Variants in SEMA6A observed in about 807,000 individuals in gnomAD.
The protein encoded by SEMA6A is semaphorin-6A.
In SEMA6A, 25 loss-of-function variants were observed where a neutral mutation model predicts 96.8. That is an observed-to-expected ratio of 0.26 (90% CI 0.19 to 0.36). The LOEUF (loss-of-function observed/expected upper bound fraction) is 0.36, where lower values mean the gene tolerates loss of function less well. Ranked by LOEUF, SEMA6A falls within the 10% of genes least tolerant of loss-of-function variation. SEMA6A has a pLI of 1.00. For synonymous variants in SEMA6A, 612 were observed against 518.0 expected (o/e 1.18, Z -2.46); for missense variants, 1,363 against 1,323.1 (o/e 1.03, Z -0.47).
chr5:116,564,001 T>G (rs1760924422), intron 1 of SEMA6A, among the ~76,000 whole-genome samples: 1 of 151,848 alleles, frequency 6.6e-6, no homozygotes, highest in Non-Finnish European at 1.5e-5. Context: ...ACTTAAAGTG[T>G]TTCTCCACAA....
rs942477890 is a variant in SEMA6A, at chr5:116,445,052, A to C, written c.*1561T>G. 6.5e-6 allele frequency: 1 copy of C among 152,720 alleles called. No homozygotes were observed. The highest frequency in any genetic ancestry group is 1.5e-5 in the Non-Finnish European group (1 of 68,074). The allele number at this position is 152,720 out of a possible 1,614,324, so 9.5% of individuals were successfully genotyped here. ...GGGGTCCATGCTTCGCAGCACAGCC[A>C]AAGGGTGGTTCCAGTTGGCACAACT... On this transcript the variant is annotated 3_prime_UTR_variant, in exon 19 of 19. Coordinates refer to ENST00000343348, the MANE Select transcript of SEMA6A (RefSeq NM_020796.5).
At chr5:116,460,222 G>C (rs1035889025) in intron 18 of SEMA6A, among the ~76,000 whole-genome samples, 1 of 152,088 alleles carries the variant, frequency 6.6e-6, no homozygotes, top group Admixed American at 6.6e-5. Context: ...TGATTTCTGA[G>C]CCTTCCTTAC....
chr5:116,493,821 C>T (rs1396730154), intron 6 of SEMA6A, among the ~76,000 whole-genome samples: 3 of 152,196 alleles, frequency 2.0e-5, no homozygotes, highest in African/African-American at 4.8e-5. Flanking sequence ...CTCTCCACAT[C>T]TGTCTCTAAA....
At chr5:116,515,529 AAG>A (rs1233897287) in intron 1 of SEMA6A, among the ~76,000 whole-genome samples, 5 of 152,208 alleles carry the variant, frequency 3.3e-5, no homozygotes, top group African/African-American at 1.2e-4. Flanking sequence ...AGCCAGTAAA[AAG>A]ATATCTGGAG....
chr5:116,570,223 G>A (rs1009135322), intron 1 of SEMA6A, among the ~76,000 whole-genome samples: 8 of 152,136 alleles, frequency 5.3e-5, no homozygotes, highest in African/African-American at 1.9e-4. Flanking sequence ...GCAACCATGT[G>A]GTCGCCAGCA....
chr5:116,521,791 A>G (rs1758961726), intron 1 of SEMA6A, among the ~76,000 whole-genome samples: 1 of 151,634 alleles, frequency 6.6e-6, no homozygotes, highest in African/African-American at 2.4e-5. Context: ...GGAGAGAAAG[A>G]GATCATTTTT....
chr5:116,452,436 T>C (rs75604559), intron 18 of SEMA6A, among the ~76,000 whole-genome samples: 3 of 150,544 alleles, frequency 2.0e-5, no homozygotes, highest in South Asian at 4.2e-4. Flanking sequence ...TTTTTTTTTT[T>C]CCTGAGGTGA....
At chr5:116,506,921 T>C (rs762902675) in intron 1 of SEMA6A, among the ~76,000 whole-genome samples, 3 of 152,222 alleles carry the variant, frequency 2.0e-5, no homozygotes, top group Non-Finnish European at 4.4e-5. Context: ...TTCATCTTTG[T>C]ACAAATGTCC....
chr5:116,480,459 C>CT (rs1285636873), intron 11 of SEMA6A, among the ~76,000 whole-genome samples, 182 bp from the exon 12 acceptor site: 1 of 152,214 alleles, frequency 6.6e-6, no homozygotes, highest in Non-Finnish European at 1.5e-5. Flanking sequence ...TCTGAGCCGC[C>CT]TCCTCATTTC....
chr5:116,523,265 C>T (rs748920315), intron 1 of SEMA6A, among the ~76,000 whole-genome samples: 13 of 152,242 alleles, frequency 8.5e-5, no homozygotes, highest in Middle Eastern at 3.4e-3. Context: ...GGGTGGGTCA[C>T]ATTATGCTTT....
intron 7 of SEMA6A, among the ~76,000 whole-genome samples, chr5:116,490,458 T>C (rs1286891232): frequency 6.6e-6 from 1 of 152,182 alleles, no homozygotes; most frequent in Non-Finnish European, 1.5e-5. Context: ...CCCCAACTAA[T>C]GCAGGTTCCA....
At chr5:116,521,211 G>T (rs1295227646) in intron 1 of SEMA6A, among the ~76,000 whole-genome samples, 2 of 152,208 alleles carry the variant, frequency 1.3e-5, no homozygotes, top group African/African-American at 4.8e-5. Flanking sequence ...GGTGTGGATT[G>T]TGGAATACAA....
rs2112677838 is a variant in SEMA6A at position 116,475,569 on chromosome 5, T to C, written c.1684A>G (p.Thr562Ala). The C allele has an allele frequency of 6.2e-7, 1 of 1,604,326 alleles. No homozygotes were observed. Among genetic ancestry groups the C allele is most frequent in the Admixed American group, 1.7e-5 (1 of 58,874 alleles). ...TFEQDIERGN[T>A]DGLGDCHNSF... is the part of the protein sequence containing the mutation. ...CTGTGACAGTCCCCCAGACCATCTG[T>C]ATTGCCACGCTCTATGTCCTGCTCA... Residue 562 changes from threonine to alanine, a missense_variant, in exon 16 of 19, where the codon ACA becomes GCA. Thr to Ala is a moderately conservative substitution (Grantham distance 58, BLOSUM62 0). Coordinates refer to ENST00000343348, the MANE Select transcript of SEMA6A (RefSeq NM_020796.5).
At chr5:116,518,970 G>A (rs1016469305) in intron 1 of SEMA6A, among the ~76,000 whole-genome samples, 2 of 151,886 alleles carry the variant, frequency 1.3e-5, no homozygotes, top group Non-Finnish European at 2.9e-5. Flanking sequence ...TTCCTACTGG[G>A]TTAACATAGT....
chr5:116,467,764 T>C lies in SEMA6A; in HGVS notation c.1730-17A>G, dbSNP rs774225341. The C allele has an allele frequency of 3.4e-5, 55 of 1,612,838 alleles. No individual in the cohort carries two copies. The highest frequency in any genetic ancestry group is 1.7e-4 in the Admixed American group (10 of 59,898). On this transcript the variant is annotated splice_polypyrimidine_tract_variant and intron_variant, in intron 17 of 18. Coordinates refer to ENST00000343348, the MANE Select transcript of SEMA6A (RefSeq NM_020796.5). ...TGGAATGCCCTGTTTTCATCACAAA[T>C]ACAGTTAGGAAAACATCACCAGAGA...
intron 7 of SEMA6A, 111 bp from the exon 8 acceptor site, chr5:116,489,118 A>G: frequency 8.3e-7 from 1 of 1,211,100 alleles, no homozygotes; most frequent in South Asian, 2.0e-5. Context: ...ATGAGATAGC[A>G]CAACTGGGAA....
At chr5:116,481,226 A>C (rs1360753060) in intron 11 of SEMA6A, among the ~76,000 whole-genome samples, 3 of 152,212 alleles carry the variant, frequency 2.0e-5, no homozygotes, top group African/African-American at 7.2e-5. Context: ...TGGTTGAGTG[A>C]CACCATCTTT....
intron 18 of SEMA6A, 105 bp from the exon 19 acceptor site, chr5:116,447,916 A>G: frequency 1.1e-6 from 1 of 898,076 alleles, no homozygotes; most frequent in Non-Finnish European, 1.7e-6. Context: ...AAGTGACAAC[A>G]GCACCTCTGC....
At chr5:116,491,683 A>G in intron 7 of SEMA6A, 57 bp downstream of exon 7, 1 of 1,293,190 alleles carries the variant, frequency 7.7e-7, no homozygotes, top group Non-Finnish European at 1.1e-6. Flanking sequence ...GCAGATTCAC[A>G]GTGACAGGAT....
Sources: allele counts gnomAD v4.1 joint callset (sites outside exome capture counted in the v4.1 genomes callset), GRCh38; gene constraint gnomAD v4.1.1; transcripts MANE v1.5; gene names NCBI Gene and HGNC (gene_info 2026-07-23, HGNC 2026-07-21).